Variants in SLC9A9 observed in about 807,000 individuals in gnomAD.
SLC9A9 encodes the protein solute carrier family 9 member A9.
A neutral mutation model predicts 77.8 loss-of-function variants in SLC9A9; 62 were observed. The ratio of observed to expected loss-of-function variants is 0.80; its 90% CI spans 0.65 to 0.98. SLC9A9 has a LOEUF of 0.98. SLC9A9 is among the 50% of genes least tolerant of loss of function. The pLI is 0.00. For missense variants in SLC9A9, 775 were observed against 774.9 expected, an observed-to-expected ratio of 1.00 and a Z score of 0.00; for synonymous variants, 320 against 283.5, an observed-to-expected ratio of 1.13 and a Z score of -1.29.
chr3:143,609,495 TATCA>T (rs1456851408), intron 6 of SLC9A9, among the ~76,000 whole-genome samples: 4 of 152,206 alleles, frequency 2.6e-5, no homozygotes, highest in Admixed American at 6.5e-5. Flanking sequence ...AATAAAATTT[TATCA>T]ATCAAAGATA....
At chr3:143,398,630 A>T (rs543824325) in intron 12 of SLC9A9, among the ~76,000 whole-genome samples, 1 of 152,202 alleles carries the variant, frequency 6.6e-6, no homozygotes, top group East Asian at 1.9e-4. Flanking sequence ...AGCACTTGCA[A>T]TTGGTTACTT....
At chr3:143,826,306 C>A (rs2009298780) in intron 2 of SLC9A9, among the ~76,000 whole-genome samples, 1 of 151,476 alleles carries the variant, frequency 6.6e-6, no homozygotes, top group South Asian at 2.1e-4. Context: ...TTTTCTCCTA[C>A]AAATCAACTC....
intron 14 of SLC9A9, among the ~76,000 whole-genome samples, chr3:143,319,712 A>C (rs1402026620): frequency 6.6e-5 from 10 of 152,198 alleles, no homozygotes; most frequent in African/African-American, 2.4e-4. Context: ...AAATTCCTAA[A>C]GGATAGACAT....
chr3:143,579,814 C>T (rs2037423951), intron 6 of SLC9A9, among the ~76,000 whole-genome samples: 2 of 152,172 alleles, frequency 1.3e-5, no homozygotes, highest in African/African-American at 4.8e-5. Flanking sequence ...CATGTTAGCT[C>T]TCTGACCTGA....
rs184665123 is a variant in SLC9A9, at chr3:143,276,315, C to T, written c.1605-7335G>A. On this transcript the variant is annotated intron_variant, in intron 14 of 15. Transcript: ENST00000316549. ...CCGTTGACTAATCTTCAGGTCCATC[C>T]GATGCTACTCCATTGCTTCCTTTTT... Among the ~76,000 whole-genome samples the T allele has an allele frequency of 1.4e-4, 22 of 152,306 alleles. No individual in the cohort carries two copies. The East Asian group carries it at 3.9e-3, about 27-fold the overall frequency.
At chr3:143,720,325 C>T (rs1462642163) in intron 4 of SLC9A9, among the ~76,000 whole-genome samples, 1 of 151,836 alleles carries the variant, frequency 6.6e-6, no homozygotes, top group Non-Finnish European at 1.5e-5. Flanking sequence ...TATAACTATA[C>T]ACATGGCAAG....
At chr3:143,534,253 C>T (rs1217321081) in intron 9 of SLC9A9, among the ~76,000 whole-genome samples, 1 of 152,152 alleles carries the variant, frequency 6.6e-6, no homozygotes, top group African/African-American at 2.4e-5. Context: ...AAAATAAATT[C>T]TAAAATGATT....
intron 4 of SLC9A9, among the ~76,000 whole-genome samples, chr3:143,762,555 A>T (rs535730041): frequency 6.6e-6 from 1 of 152,188 alleles, no homozygotes; most frequent in Non-Finnish European, 1.5e-5. Context: ...TAGTGTGGTG[A>T]TCACCAAAGC....
chr3:143,486,840 C>T (rs932883453), intron 11 of SLC9A9, among the ~76,000 whole-genome samples: 1 of 151,946 alleles, frequency 6.6e-6, no homozygotes, highest in African/African-American at 2.4e-5. Context: ...ATCAACTAAA[C>T]ACAAAAGGCA....
chr3:143,267,028 TCC>T, intron 15 of SLC9A9, 99 bp from the exon 16 acceptor site: 1 of 1,106,946 alleles, frequency 9.0e-7, no homozygotes, highest in Non-Finnish European at 1.3e-6. Flanking sequence ...ATGCATGTTT[TCC>T]TTTCTGTAAC....
chr3:143,543,810 A>G (rs1263365933), intron 9 of SLC9A9, among the ~76,000 whole-genome samples: 1 of 149,360 alleles, frequency 6.7e-6, no homozygotes, highest in Non-Finnish European at 1.5e-5. Flanking sequence ...ACCTAGATTG[A>G]TTCCATGTCT....
rs764350984 is a variant in SLC9A9, at chr3:143,493,726, G to A, written c.1242C>T (p.Pro414=). The part of the protein sequence containing the change: ...IFVARACNIY[P]LSFLLNLGRK... The stretch of plus-strand genomic sequence containing the variant: ...GGCCTAGATTCAGGAGGAAGGAGAG[G>A]GGATATATGTTGCAGGCTCTGGCAA... The change falls in exon 11 of 16, where the codon CCC becomes CCT. Residue 414 remains proline, a synonymous_variant. Coordinates refer to ENST00000316549, the MANE Select transcript of SLC9A9 (RefSeq NM_173653.4). The A allele has an allele frequency of 9.9e-6, 16 of 1,613,958 alleles. No individual in the cohort carries two copies. Among genetic ancestry groups the A allele is most frequent in the African/African-American group, 1.3e-5 (1 of 74,912 alleles).
At chr3:143,842,582 A>G (rs2009736142) in intron 1 of SLC9A9, among the ~76,000 whole-genome samples, 1 of 152,194 alleles carries the variant, frequency 6.6e-6, no homozygotes, top group Non-Finnish European at 1.5e-5. Flanking sequence ...CTGGGCTCCT[A>G]ACCGTGATTA....
intron 12 of SLC9A9, among the ~76,000 whole-genome samples, chr3:143,428,025 G>A (rs2034436683): frequency 6.6e-6 from 1 of 152,156 alleles, no homozygotes; most frequent in Non-Finnish European, 1.5e-5. Context: ...AAATTGAGCT[G>A]GGCAAGGATT....
intron 7 of SLC9A9, among the ~76,000 whole-genome samples, chr3:143,574,605 C>A (rs2037324862): frequency 6.6e-6 from 1 of 152,100 alleles, no homozygotes; most frequent in African/African-American, 2.4e-5. Flanking sequence ...CTCGGGAGTG[C>A]AGTCTGTGGG....
At chr3:143,346,789 G>A (rs1042185781) in intron 14 of SLC9A9, among the ~76,000 whole-genome samples, 7 of 151,884 alleles carry the variant, frequency 4.6e-5, no homozygotes, top group Non-Finnish European at 5.9e-5. Context: ...GTGAAACTCC[G>A]TCTCAAAAAA....
intron 12 of SLC9A9, among the ~76,000 whole-genome samples, chr3:143,426,465 C>T (rs898118141): frequency 6.6e-6 from 1 of 152,152 alleles, no homozygotes; most frequent in African/African-American, 2.4e-5. Flanking sequence ...TCTTAAAATA[C>T]CCAGCTCAGA....
In SLC9A9 at chr3:143,382,022, A is replaced by G. The variant is rs775362339; in HGVS notation, c.1524+38T>C. On this transcript the variant is annotated intron_variant, in intron 13 of 15. Coordinates refer to ENST00000316549, the MANE Select transcript of SLC9A9 (RefSeq NM_173653.4). The stretch of plus-strand genomic sequence containing the variant: ...GAACAGCCTATGGAACAGAACAATC[A>G]TATCTCTATATAATGTGCATTGGTT... 12 of 1,611,260 alleles carry G rather than the reference A, an allele frequency of 7.4e-6. No individual in the cohort carries two copies. In the African/African-American group the frequency reaches 8.0e-5, roughly 11 times the overall value.
chr3:143,486,964 T>C (rs1044687688), intron 11 of SLC9A9, among the ~76,000 whole-genome samples: 1 of 151,988 alleles, frequency 6.6e-6, no homozygotes, highest in Non-Finnish European at 1.5e-5. Flanking sequence ...TATTAAACAC[T>C]CTAATCAAAA....
Sources: allele counts gnomAD v4.1 joint callset (sites outside exome capture counted in the v4.1 genomes callset), GRCh38; gene constraint gnomAD v4.1.1; transcripts MANE v1.5; gene names NCBI Gene and HGNC (gene_info 2026-07-23, HGNC 2026-07-21).